CUL4A: variants seen among roughly 807,000 people sequenced by gnomAD.
CUL4A encodes cullin 4A.
A neutral mutation model predicts 95.5 loss-of-function variants in CUL4A; 16 were observed. The ratio of observed to expected loss-of-function variants is 0.17; its 90% CI spans 0.11 to 0.25. CUL4A has a LOEUF of 0.25. CUL4A is among the 10% of genes least tolerant of loss of function. The pLI, the probability that CUL4A is intolerant of heterozygous loss-of-function variation, is 1.00. For synonymous variants in CUL4A, 380 were observed against 353.1 expected, an observed-to-expected ratio of 1.08 and a Z score of -0.85; for missense variants, 610 against 937.0, an observed-to-expected ratio of 0.65 and a Z score of 4.56.
chr13:113,232,259 ACTAC>A (rs2139183647), intron 5 of CUL4A, among the ~76,000 whole-genome samples: 2 of 121,844 alleles, frequency 1.6e-5, no homozygotes, highest in African/African-American at 6.7e-5. Context: ...TGCTGCCACC[ACTAC>A]CCGCCCACCA....
At chr13:113,220,909 A>G (rs2040873218) in intron 3 of CUL4A, among the ~76,000 whole-genome samples, 1 of 152,236 alleles carries the variant, frequency 6.6e-6, no homozygotes, top group South Asian at 2.1e-4. Flanking sequence ...AACTGTGATT[A>G]CAAAAATTAT....
At chr13:113,218,918 G>A in intron 2 of CUL4A, 27 bp from the exon 3 acceptor site, 1 of 1,488,724 alleles carries the variant, frequency 6.7e-7, no homozygotes, top group Non-Finnish European at 9.3e-7. Flanking sequence ...TCATACTGAA[G>A]AATTGATGTA....
chr13:113,233,946 T>C lies in CUL4A; in HGVS notation c.725T>C (p.Leu242Ser), dbSNP rs919985816. 1.2e-6 allele frequency: 2 copies of C among 1,611,964 alleles called. No individual in the cohort carries two copies. Among genetic ancestry groups the C allele is most frequent in the Non-Finnish European group, 1.7e-6 (2 of 1,178,586 alleles). ...ELKFLEETNC[L>S]YAAEGQRLMQ... Reference sequence around the variant, plus strand: ...AAATTTTTGGAAGAGACTAATTGCTTATATGCTGCCGAAGGCCAAAGGTTA... The same window carrying C: ...AAATTTTTGGAAGAGACTAATTGCTCATATGCTGCCGAAGGCCAAAGGTTA... The change falls in exon 7 of 20, where the codon TTA becomes TCA. Residue 242 changes from leucine to serine, a missense_variant. Transcript: ENST00000375440.
At chr13:113,212,563 G>A (rs748850865) in intron 2 of CUL4A, among the ~76,000 whole-genome samples, 10 of 152,134 alleles carry the variant, frequency 6.6e-5, no homozygotes, top group Non-Finnish European at 1.3e-4. Context: ...TGGGTAGATC[G>A]CCTGAGCGTC....
At chr13:113,257,051 A>G (rs889346724) in intron 18 of CUL4A, among the ~76,000 whole-genome samples, 6 of 148,526 alleles carry the variant, frequency 4.0e-5, no homozygotes, top group African/African-American at 1.5e-4. Flanking sequence ...CAGCCTCTCG[A>G]GTAGCTGGGA....
At chr13:113,221,966 G>A (rs530556653) in intron 3 of CUL4A, among the ~76,000 whole-genome samples, 2 of 152,342 alleles carry the variant, frequency 1.3e-5, no homozygotes, top group African/African-American at 2.4e-5. Flanking sequence ...TTGCAGGGGC[G>A]AAGCGATGTC....
intron 5 of CUL4A, among the ~76,000 whole-genome samples, chr13:113,230,780 T>TTAGTAG (rs34774085): frequency 2.0e-5 from 3 of 151,942 alleles, no homozygotes; most frequent in Admixed American, 1.3e-4. Context: ...ATTATTATTA[T>TTAGTAG]TATTTTTAGA....
chr13:113,210,433 A>T (rs1300699072), intron 2 of CUL4A, among the ~76,000 whole-genome samples: 1 of 152,216 alleles, frequency 6.6e-6, no homozygotes, highest in Non-Finnish European at 1.5e-5. Flanking sequence ...CACTTGCCAC[A>T]GTAATAAGAG....
chr13:113,257,971 T>C (rs2042172234), intron 18 of CUL4A, among the ~76,000 whole-genome samples: 1 of 152,176 alleles, frequency 6.6e-6, no homozygotes, highest in Non-Finnish European at 1.5e-5. Context: ...CTCAATTCTC[T>C]TCTATAAATT....
chr13:113,225,365 C>T (rs561957832), intron 3 of CUL4A, among the ~76,000 whole-genome samples: 2 of 152,278 alleles, frequency 1.3e-5, no homozygotes, highest in South Asian at 2.1e-4. Flanking sequence ...TAGTAAATGC[C>T]ACACTGATTT....
upstream of CUL4A, among the ~76,000 whole-genome samples, chr13:113,209,272 T>A (rs2040228352): frequency 7.0e-6 from 1 of 141,910 alleles, no homozygotes; most frequent in African/African-American, 2.7e-5. Flanking sequence ...GCGGCACGCA[T>A]CCCCGAGCCA....
intron 5 of CUL4A, among the ~76,000 whole-genome samples, chr13:113,230,900 A>G (rs928253419): frequency 6.6e-6 from 1 of 152,046 alleles, no homozygotes; most frequent in Non-Finnish European, 1.5e-5. Context: ...CCTCCCCTGT[A>G]GCTGGGACTA....
At position 113,234,937 on chromosome 13, in the gene CUL4A, A is replaced by C. The variant is rs1595388871; in HGVS notation, c.766-126A>C. ...TCTCCCTCCCTGTTAATCTGTGTTA[A>C]TATTTGGCTTGAATATGTATTCTGC... On this transcript the variant is annotated intron_variant, in intron 7 of 19. Coordinates refer to ENST00000375440, the MANE Select transcript of CUL4A (RefSeq NM_001008895.4). 4.6e-6 allele frequency: 3 copies of C among 658,462 alleles called. No individual in the cohort carries two copies. In the East Asian group the frequency reaches 8.3e-5, roughly 18 times the overall value. 40.8% of individuals were successfully genotyped at this position (658,462 alleles called of 1,614,324 possible).
intron 15 of CUL4A, among the ~76,000 whole-genome samples, chr13:113,252,652 G>T (rs1229931023): frequency 6.6e-6 from 1 of 152,254 alleles, no homozygotes; most frequent in Non-Finnish European, 1.5e-5. Context: ...AACGCAAGGG[G>T]TTGTGGTGTC....
intron 3 of CUL4A, chr13:113,219,490 T>C (rs529340157): frequency 6.3e-6 from 1 of 158,626 alleles, no homozygotes; most frequent in East Asian, 1.9e-4. Context: ...GTCAGCCAGG[T>C]TGGGGCCTCA....
At position 113,212,700 on chromosome 13, in the gene CUL4A, G is replaced by A. The variant is rs565638074; in HGVS notation, c.264+2612G>A. ...CTTGGGAGGCTGAGGCCGGAGAATCGCTTGAACCCGGGAGGCGGAGGTTGC... is the reference window on the plus strand; with the variant it reads ...CTTGGGAGGCTGAGGCCGGAGAATCACTTGAACCCGGGAGGCGGAGGTTGC... On this transcript the variant is annotated intron_variant, in intron 2 of 19. Transcript: ENST00000375440. Among the ~76,000 whole-genome samples, 7 of 152,166 alleles carry A rather than the reference G, an allele frequency of 4.6e-5. 1 individual carries two copies. In the South Asian group the frequency reaches 6.2e-4, roughly 13 times the overall value.
At chr13:113,221,963 G>A (rs1211784224) in intron 3 of CUL4A, among the ~76,000 whole-genome samples, 2 of 152,198 alleles carry the variant, frequency 1.3e-5, no homozygotes, top group African/African-American at 4.8e-5. Context: ...GCATTGCAGG[G>A]GCGAAGCGAT....
Position 113,229,498 on chromosome 13 carries a change from A to C in CUL4A, c.491A>C (p.Asn164Thr). The C allele has an allele frequency of 1.9e-6, 3 of 1,613,434 alleles. No individual in the cohort carries two copies. The highest frequency in any genetic ancestry group is 2.5e-6 in the Non-Finnish European group (3 of 1,179,974). ...LFLDRTYVLQNSTLPSIWDMG... is the reference protein window; with the variant it reads ...LFLDRTYVLQTSTLPSIWDMG... ...TTGGACCGCACCTATGTGCTGCAGA[A>C]CTCCACGCTGCCCTCCATCTGGTGA... The change falls in exon 5 of 20, where the codon AAC becomes ACC. Residue 164 changes from asparagine to threonine, a missense_variant. By Grantham distance (65) the Asn-to-Thr change is moderately conservative. Coordinates refer to ENST00000375440, the MANE Select transcript of CUL4A (RefSeq NM_001008895.4).
At chr13:113,209,276 C>A (rs1439924068), upstream of CUL4A, among the ~76,000 whole-genome samples, 1 of 146,890 alleles carries the variant, frequency 6.8e-6, no homozygotes, top group Non-Finnish European at 1.5e-5. Context: ...CACGCATCCC[C>A]GAGCCAGGAG....
Sources: gnomAD v4.1 joint callset for allele counts (sites outside exome capture counted in the v4.1 genomes callset) on GRCh38, gnomAD v4.1.1 for gene constraint, MANE v1.5 for transcripts, NCBI Gene and HGNC (gene_info 2026-07-23, HGNC 2026-07-21) for gene names.